The following C1GALT1 variants were observed in gnomAD, a reference collection of about 807,000 sequenced individuals.
C1GALT1 encodes the protein core 1 synthase, glycoprotein-N-acetylgalactosamine 3-beta-galactosyltransferase 1.
C1GALT1 carries 11 observed loss-of-function variants against 31.0 expected under a neutral mutation model. The ratio of observed to expected loss-of-function variants is 0.36; its 90% CI spans 0.22 to 0.59. The LOEUF is 0.59. C1GALT1 is among the 20% of genes least tolerant of loss of function. The probability of loss-of-function intolerance (pLI) is 0.79; values close to 1 mark genes in which losing one functional copy is unlikely to be tolerated. For synonymous variants in C1GALT1, 175 were observed against 143.6 expected, an observed-to-expected ratio of 1.22 and a Z score of -1.56; for missense variants, 424 against 425.2, an observed-to-expected ratio of 1.00 and a Z score of 0.03.
At chr7:7,240,257 C>T (rs1783565305) in intron 3 of C1GALT1, among the ~76,000 whole-genome samples, 1 of 152,124 alleles carries the variant, frequency 6.6e-6, no homozygotes, top group Non-Finnish European at 1.5e-5. Context: ...CTACTAAATG[C>T]TAAACATCCT....
At chr7:7,233,455 C>G (rs1351126147) in intron 1 of C1GALT1, among the ~76,000 whole-genome samples, 1 of 152,118 alleles carries the variant, frequency 6.6e-6, no homozygotes, top group Non-Finnish European at 1.5e-5. Flanking sequence ...TGCCACCATG[C>G]CCAGCTAATT....
upstream of C1GALT1, among the ~76,000 whole-genome samples, chr7:7,181,197 G>A (rs1187906823): frequency 6.6e-6 from 1 of 152,124 alleles, no homozygotes; most frequent in Admixed American, 6.5e-5. Flanking sequence ...AAGACATTGC[G>A]GAAAGGTGGA....
chr7:7,159,839 G>C (rs137980438), intron 2 of C1GALT1, among the ~76,000 whole-genome samples: 3,297 of 152,196 alleles, frequency 0.022, 114 homozygotes, highest in African/African-American at 0.075. Context: ...GTTACACAGA[G>C]TATCACTACA....
chr7:7,193,006 G>GT (rs998908594), intron 1 of C1GALT1, among the ~76,000 whole-genome samples: 7 of 151,372 alleles, frequency 4.6e-5, no homozygotes, highest in African/African-American at 1.7e-4. Context: ...GGGATTGTTT[G>GT]TTTTTTTTCT....
intron 2 of C1GALT1, among the ~76,000 whole-genome samples, chr7:7,169,688 G>A (rs1780431988): frequency 6.6e-6 from 1 of 152,026 alleles, no homozygotes; most frequent in Non-Finnish European, 1.5e-5. Flanking sequence ...TTTGAGAAGT[G>A]TCTATGCAAG....
rs978324986 is a variant in C1GALT1 at position 7,176,807 on chromosome 7, G to C, written c.-18+19381G>C. ...AATTTTGTAAAGATGTAGCTACAAG[G>C]AATAAAAACTGTTTAGAAAATGTTC... is the stretch of plus-strand genomic sequence containing the variant. On this transcript the variant is annotated intron_variant, in intron 2 of 3. Coordinates refer to the C1GALT1 transcript ENST00000429911. Among the ~76,000 whole-genome samples, 5 of 152,228 alleles carry C rather than the reference G, an allele frequency of 3.3e-5. No homozygotes were observed. The East Asian group carries it at 9.6e-4, about 29-fold the overall frequency.
upstream of C1GALT1, among the ~76,000 whole-genome samples, chr7:7,180,669 T>A (rs1780562534): frequency 6.6e-6 from 1 of 152,280 alleles, no homozygotes; most frequent in African/African-American, 2.4e-5. Flanking sequence ...GATTTTAACT[T>A]CTTTGCATTT....
intron 2 of C1GALT1, among the ~76,000 whole-genome samples, chr7:7,168,274 G>A (rs1194382560): frequency 1.3e-5 from 2 of 152,188 alleles, no homozygotes; most frequent in Admixed American, 6.5e-5. Flanking sequence ...AGCAGAGTAC[G>A]GCTGGAAGGC....
chr7:7,165,906 G>A (rs1402630210), intron 2 of C1GALT1, among the ~76,000 whole-genome samples: 1 of 152,086 alleles, frequency 6.6e-6, no homozygotes, highest in African/African-American at 2.4e-5. Flanking sequence ...TTACCATCAG[G>A]TTATGTGTAT....
chr7:7,200,138 A>G (rs2128235333), intron 1 of C1GALT1, among the ~76,000 whole-genome samples: 1 of 152,298 alleles, frequency 6.6e-6, no homozygotes, highest in African/African-American at 2.4e-5. Context: ...CCTAGCAGCG[A>G]TGGTCTTTAC....
chr7:7,220,453 G>C (rs1413443527), intron 1 of C1GALT1, among the ~76,000 whole-genome samples: 1 of 152,160 alleles, frequency 6.6e-6, no homozygotes, highest in Non-Finnish European at 1.5e-5. Flanking sequence ...GTGTCCTACT[G>C]GTGCTTTAAA....
At chr7:7,211,611 T>C (rs1466007263) in intron 1 of C1GALT1, among the ~76,000 whole-genome samples, 1 of 152,230 alleles carries the variant, frequency 6.6e-6, no homozygotes, top group African/African-American at 2.4e-5. Flanking sequence ...ACAAGTGTGG[T>C]GTAGTAGATA....
chr7:7,236,741 G>A (rs1337840325), intron 2 of C1GALT1, among the ~76,000 whole-genome samples: 1 of 151,910 alleles, frequency 6.6e-6, no homozygotes, highest in African/African-American at 2.4e-5. Context: ...GGCCAGGCTG[G>A]TCTCGAACTC....
chr7:7,238,977 G>A lies in C1GALT1; in HGVS notation c.888+55G>A. ...ATACTTGGACTGACTGAATTTTGTT[G>A]ATAAAAACATGTTAATATGTGTATG... On this transcript the variant is annotated intron_variant, in intron 3 of 3. Transcript: ENST00000436587. This position sits in a 1 kb window ranked among gnomAD's most constrained non-coding sequence, Gnocchi z 5.2. 7.2e-7 allele frequency: 1 copy of A among 1,392,772 alleles called. No homozygotes were observed. The highest frequency in any genetic ancestry group is 1.3e-5 in the South Asian group (1 of 75,606). 86.3% of individuals were successfully genotyped at this position (1,392,772 alleles called of 1,614,324 possible). A position where few individuals can be genotyped will look rare whatever the true frequency, so the allele number is the denominator to read the frequency against.
At chr7:7,167,796 C>T (rs1008827127) in intron 2 of C1GALT1, among the ~76,000 whole-genome samples, 1 of 152,132 alleles carries the variant, frequency 6.6e-6, no homozygotes, top group Non-Finnish European at 1.5e-5. Context: ...TGTTTCTCCT[C>T]TTTTCTCACC....
upstream of C1GALT1, among the ~76,000 whole-genome samples, chr7:7,178,627 T>C (rs1780531884): frequency 6.6e-6 from 1 of 152,210 alleles, no homozygotes; most frequent in Non-Finnish European, 1.5e-5. Flanking sequence ...TACATCTCTC[T>C]ATAAGAGATC....
intron 2 of C1GALT1, among the ~76,000 whole-genome samples, chr7:7,175,056 A>G (rs993147736): frequency 6.6e-6 from 1 of 152,118 alleles, no homozygotes; most frequent in African/African-American, 2.4e-5. Context: ...GTGAGCTTGA[A>G]AAGTGGACAT....
intron 1 of C1GALT1, among the ~76,000 whole-genome samples, chr7:7,203,600 A>C (rs747007747): frequency 2.4e-4 from 37 of 152,106 alleles, no homozygotes; most frequent in Middle Eastern, 3.4e-3. Context: ...TCAGTTTGCT[A>C]GTATTTTGTT....
intron 1 of C1GALT1, among the ~76,000 whole-genome samples, chr7:7,211,522 A>G (rs1782003010): frequency 1.3e-5 from 2 of 152,138 alleles, no homozygotes; most frequent in South Asian, 4.1e-4. Flanking sequence ...AGCAATGGAA[A>G]CTCTGTCCAA....
Sources: gnomAD v4.1 joint callset for allele counts (sites outside exome capture counted in the v4.1 genomes callset) on GRCh38, gnomAD v4.1.1 for gene constraint, Gnocchi (gnomAD v3.1) non-coding constraint, MANE v1.5 for transcripts, NCBI Gene and HGNC (gene_info 2026-07-23, HGNC 2026-07-21) for gene names.